Variants in KCNIP4 observed in about 807,000 individuals in gnomAD.
The protein encoded by KCNIP4 is Kv channel-interacting protein 4.
Under a neutral mutation model 34.0 loss-of-function variants are expected in KCNIP4, and 12 were observed. The ratio of observed to expected loss-of-function variants is 0.35; its 90% CI spans 0.23 to 0.57. KCNIP4 has a LOEUF of 0.57. KCNIP4 is among the 20% of genes least tolerant of loss of function. KCNIP4 has a pLI of 0.83. For missense variants in KCNIP4, 238 were observed against 311.7 expected, an observed-to-expected ratio of 0.76 and a Z score of 1.78; for synonymous variants, 124 against 102.2, an observed-to-expected ratio of 1.21 and a Z score of -1.29.
intron 1 of KCNIP4, among the ~76,000 whole-genome samples, chr4:21,026,567 T>C (rs772900507): frequency 6.6e-6 from 1 of 152,052 alleles, no homozygotes; most frequent in Non-Finnish European, 1.5e-5. Flanking sequence ...GGTGGGAGGA[T>C]TGTTTGAGCC....
chr4:20,860,002 T>C (rs1268699068), intron 2 of KCNIP4, among the ~76,000 whole-genome samples: 20 of 152,216 alleles, frequency 1.3e-4, no homozygotes, highest in Admixed American at 1.3e-3. Flanking sequence ...ATTTAGGTCC[T>C]GCCAAAATAC....
chr4:20,880,078 G>T (rs1324835476), intron 2 of KCNIP4, among the ~76,000 whole-genome samples: 1 of 152,122 alleles, frequency 6.6e-6, no homozygotes, highest in Non-Finnish European at 1.5e-5. Flanking sequence ...TAGCAGGGCT[G>T]ATATTTATGA....
At chr4:21,659,640 T>A (rs1748278697) in intron 1 of KCNIP4, among the ~76,000 whole-genome samples, 1 of 152,178 alleles carries the variant, frequency 6.6e-6, no homozygotes, top group Admixed American at 6.5e-5. Flanking sequence ...TAAGAAAAAT[T>A]AAATTTCTGT....
intron 1 of KCNIP4, among the ~76,000 whole-genome samples, chr4:20,955,776 A>T (rs921469181): frequency 3.9e-5 from 6 of 152,222 alleles, no homozygotes; most frequent in Non-Finnish European, 8.8e-5. Flanking sequence ...ATAGATCTGG[A>T]AACTGGACAA....
intron 1 of KCNIP4, among the ~76,000 whole-genome samples, chr4:21,323,144 G>GTATATATATATATATATATATATATA (rs747961833): frequency 1.2e-4 from 9 of 77,908 alleles, no homozygotes; most frequent in African/African-American, 4.4e-4. Context: ...TCTTTTGTAA[G>GTATATATATATATATATATATATATA]TATATATATA....
intron 1 of KCNIP4, among the ~76,000 whole-genome samples, chr4:20,994,140 T>C (rs573065203): frequency 6.6e-6 from 1 of 152,348 alleles, no homozygotes; most frequent in African/African-American, 2.4e-5. Flanking sequence ...ACTGATTACC[T>C]TGTGTCACAT....
At chr4:21,721,967 T>C (rs1164401950) in intron 1 of KCNIP4, among the ~76,000 whole-genome samples, 1 of 152,226 alleles carries the variant, frequency 6.6e-6, no homozygotes, top group Non-Finnish European at 1.5e-5. Context: ...TGCCTGTGTG[T>C]ATGTTCTATT....
At chr4:21,426,324 G>A (rs940904993) in intron 1 of KCNIP4, among the ~76,000 whole-genome samples, 3 of 152,128 alleles carry the variant, frequency 2.0e-5, no homozygotes, top group Non-Finnish European at 4.4e-5. Context: ...AAATTGGATT[G>A]TTACAATGCT....
intron 1 of KCNIP4, among the ~76,000 whole-genome samples, chr4:21,139,344 A>G (rs76058487): frequency 1.3e-5 from 2 of 152,238 alleles, no homozygotes; most frequent in African/African-American, 4.8e-5. Flanking sequence ...CAGTTTTATT[A>G]TATCAGTCAG....
chr4:21,403,533 A>G (rs1723716430), intron 1 of KCNIP4, among the ~76,000 whole-genome samples: 1 of 152,122 alleles, frequency 6.6e-6, no homozygotes, highest in Non-Finnish European at 1.5e-5. Context: ...TCATTCCTCC[A>G]CTTTTCATCT....
Position 21,586,443 on chromosome 4 carries a change from C to T in KCNIP4, c.61+362128G>A, listed in dbSNP as rs185268025. Among the ~76,000 whole-genome samples the T allele has an allele frequency of 1.1e-4, 17 of 152,068 alleles. 1 individual carries two copies. The East Asian group carries it at 3.3e-3, about 29-fold the overall frequency. On this transcript the variant is annotated intron_variant, in intron 1 of 8. Coordinates refer to ENST00000382152, the MANE Select transcript of KCNIP4 (RefSeq NM_025221.6). ...CATACACTTGCCTCCCCCAGTGTCT[C>T]CCTTTGGGTGAATGTGGAGGGGATG...
At chr4:21,217,685 T>C (rs1290245969) in intron 1 of KCNIP4, among the ~76,000 whole-genome samples, 1 of 152,048 alleles carries the variant, frequency 6.6e-6, no homozygotes, top group Non-Finnish European at 1.5e-5. Flanking sequence ...TTAAATTAAA[T>C]ACAAGGCAAA....
chr4:21,024,576 C>T (rs1740362023), intron 1 of KCNIP4, among the ~76,000 whole-genome samples: 1 of 152,118 alleles, frequency 6.6e-6, no homozygotes, highest in Non-Finnish European at 1.5e-5. Context: ...TATATATTTC[C>T]AATGAAACCC....
chr4:21,211,050 G>T (rs749468794), intron 1 of KCNIP4, among the ~76,000 whole-genome samples: 10 of 152,132 alleles, frequency 6.6e-5, no homozygotes, highest in Non-Finnish European at 1.5e-4. Context: ...AACTGAATTT[G>T]ACTTCTAGTG....
chr4:21,022,438 A>C (rs1740160271), intron 1 of KCNIP4, among the ~76,000 whole-genome samples: 1 of 152,222 alleles, frequency 6.6e-6, no homozygotes, highest in African/African-American at 2.4e-5. Flanking sequence ...GCCGATGCAA[A>C]ACCATATTAT....
chr4:20,906,235 C>CT (rs1452062499), intron 1 of KCNIP4, among the ~76,000 whole-genome samples: 2 of 152,048 alleles, frequency 1.3e-5, no homozygotes, highest in South Asian at 2.1e-4. Flanking sequence ...TATTGGGCTG[C>CT]TTTTTAACAT....
intron 1 of KCNIP4, among the ~76,000 whole-genome samples, chr4:21,142,107 T>C (rs11729790): frequency 0.56 from 81,201 of 144,044 alleles, 23,481 homozygotes; most frequent in African/African-American, 0.71. Context: ...GCTGAGATCG[T>C]GCCACTGCAC....
intron 1 of KCNIP4, among the ~76,000 whole-genome samples, chr4:21,042,669 G>A (rs1742070562): frequency 6.6e-6 from 1 of 152,110 alleles, no homozygotes; most frequent in Non-Finnish European, 1.5e-5. Flanking sequence ...TTTAAAGCTA[G>A]CTAGGAGAGA....
In KCNIP4 at chr4:21,580,855, A is replaced by G. The variant is rs542383380; in HGVS notation, c.61+367716T>C. Among the ~76,000 whole-genome samples the G allele has an allele frequency of 2.0e-5, 3 of 152,204 alleles. No individual in the cohort carries two copies. In the East Asian group the frequency reaches 5.8e-4, roughly 29 times the overall value. ...TGGATTTCCTTTCCTGAGTATTGCA[A>G]CGAAGAATGGAAGAGAAAAGCCAGG... On this transcript the variant is annotated intron_variant, in intron 1 of 8. Coordinates refer to ENST00000382152, the MANE Select transcript of KCNIP4 (RefSeq NM_025221.6).
Sources: allele counts gnomAD v4.1 joint callset (sites outside exome capture counted in the v4.1 genomes callset), GRCh38; gene constraint gnomAD v4.1.1; transcripts MANE v1.5; gene names NCBI Gene and HGNC (gene_info 2026-07-23, HGNC 2026-07-21).